The following CSMD1 variants were observed in gnomAD, a reference collection of about 807,000 sequenced individuals.
CSMD1 encodes the protein CUB and sushi domain-containing protein 1.
A neutral mutation model predicts 417.5 loss-of-function variants in CSMD1; 213 were observed. That is an observed-to-expected ratio of 0.51 (90% CI 0.46 to 0.57). The LOEUF (loss-of-function observed/expected upper bound fraction) is 0.57, where lower values mean the gene tolerates loss of function less well. Ranked by LOEUF, CSMD1 falls within the 20% of genes least tolerant of loss-of-function variation. The pLI is 0.00. For missense variants in CSMD1, 6,923 were observed against 4,529.7 expected, an observed-to-expected ratio of 1.53 and a Z score of -15.17; for synonymous variants, 2,862 against 1,736.8, an observed-to-expected ratio of 1.65 and a Z score of -16.11.
chr8:4,013,450 G>T lies in CSMD1; in HGVS notation c.611-15340C>A, dbSNP rs560001294. Among the ~76,000 whole-genome samples the T allele has an allele frequency of 4.6e-5, 7 of 152,180 alleles. No individual in the cohort carries two copies. In the South Asian group the frequency reaches 1.0e-3, roughly 23 times the overall value. On this transcript the variant is annotated intron_variant, in intron 4 of 69. Transcript: ENST00000635120. The stretch of plus-strand genomic sequence containing the variant: ...AATATTCCGGTTTTCTACTATCAGG[G>T]GGGTTTCCAGGACATGGGATCTTAG...
intron 18 of CSMD1, among the ~76,000 whole-genome samples, chr8:3,381,226 T>C (rs930052269): frequency 1.3e-5 from 2 of 151,914 alleles, no homozygotes; most frequent in South Asian, 4.2e-4. Context: ...TAAAACAACT[T>C]GACAAGCCCC....
chr8:4,004,506 T>C (rs1815953500), intron 4 of CSMD1, among the ~76,000 whole-genome samples: 1 of 152,080 alleles, frequency 6.6e-6, no homozygotes, highest in Non-Finnish European at 1.5e-5. Context: ...TTTTGTGTTA[T>C]ATTCAGCAAC....
chr8:3,583,606 A>C (rs1224200533), intron 9 of CSMD1, among the ~76,000 whole-genome samples: 1 of 151,988 alleles, frequency 6.6e-6, no homozygotes, highest in Non-Finnish European at 1.5e-5. Context: ...TGATACTAAA[A>C]CATGATAGGA....
intron 25 of CSMD1, among the ~76,000 whole-genome samples, chr8:3,306,530 T>TTCTGAAGCAGCTGGGCC (rs1563252094): frequency 1.4e-4 from 22 of 152,194 alleles, no homozygotes; most frequent in African/African-American, 5.1e-4. Flanking sequence ...GCAGCTGGGC[T>TTCTGAAGCAGCTGGGCC]GATTCATTTA....
chr8:4,461,743 T>TA (rs1456232073), intron 2 of CSMD1, among the ~76,000 whole-genome samples: 45 of 131,096 alleles, frequency 3.4e-4, no homozygotes, highest in Middle Eastern at 4.0e-3. Flanking sequence ...ATTTACTTAT[T>TA]TTTTTTTTTT....
chr8:3,092,402 C>G (rs531227608), intron 47 of CSMD1, among the ~76,000 whole-genome samples: 5 of 151,954 alleles, frequency 3.3e-5, no homozygotes, highest in African/African-American at 1.2e-4. Flanking sequence ...TATCTGTGGA[C>G]GATAGATACA....
intron 51 of CSMD1, among the ~76,000 whole-genome samples, chr8:3,027,079 G>C (rs1338148440): frequency 6.6e-6 from 1 of 152,078 alleles, no homozygotes; most frequent in Non-Finnish European, 1.5e-5. Flanking sequence ...GAGAAAAAAA[G>C]ATTGACAAGC....
At chr8:4,241,164 C>G (rs549379671) in intron 3 of CSMD1, among the ~76,000 whole-genome samples, 1 of 152,150 alleles carries the variant, frequency 6.6e-6, no homozygotes, top group Non-Finnish European at 1.5e-5. Context: ...TCTTCTTAAA[C>G]AAATGAAATC....
intron 3 of CSMD1, among the ~76,000 whole-genome samples, chr8:4,363,323 G>A (rs957647937): frequency 6.6e-6 from 1 of 152,028 alleles, no homozygotes; most frequent in African/African-American, 2.4e-5. Context: ...CTATACTACA[G>A]GTACCCTGCA....
intron 16 of CSMD1, among the ~76,000 whole-genome samples, chr8:3,397,265 C>G (rs911403009): frequency 6.6e-6 from 1 of 152,110 alleles, no homozygotes; most frequent in African/African-American, 2.4e-5. Context: ...AAGGATCCCA[C>G]GGAAGCCTGT....
At chr8:3,037,236 C>G (rs909891328) in intron 50 of CSMD1, among the ~76,000 whole-genome samples, 2 of 141,408 alleles carry the variant, frequency 1.4e-5, no homozygotes, top group South Asian at 2.1e-4. Context: ...GACGGAGTCT[C>G]GCTCTGTGGC....
chr8:3,479,447 A>C (rs1056411039), intron 11 of CSMD1, among the ~76,000 whole-genome samples: 15 of 151,988 alleles, frequency 9.9e-5, no homozygotes, highest in African/African-American at 3.6e-4. Flanking sequence ...TGCCCAGCTA[A>C]TTTTGTACTT....
At chr8:4,302,463 C>G (rs1247291912) in intron 3 of CSMD1, among the ~76,000 whole-genome samples, 1 of 152,130 alleles carries the variant, frequency 6.6e-6, no homozygotes, top group Non-Finnish European at 1.5e-5. Context: ...ATCGTGCAGA[C>G]AAAACAGCAG....
intron 25 of CSMD1, 99 bp from the exon 26 acceptor site, chr8:3,284,445 C>T (rs1475295891): frequency 1.2e-6 from 1 of 833,126 alleles, no homozygotes; most frequent in Non-Finnish European, 2.0e-6. Flanking sequence ...TCACACAACC[C>T]CCACCAACAT....
chr8:4,456,747 G>A (rs546791845), intron 2 of CSMD1, among the ~76,000 whole-genome samples: 5 of 152,210 alleles, frequency 3.3e-5, no homozygotes, highest in Admixed American at 6.5e-5. Context: ...CTGTCTAGTT[G>A]CTAGATCCTA....
At chr8:3,598,662 G>C (rs1411731086) in intron 8 of CSMD1, among the ~76,000 whole-genome samples, 1 of 152,174 alleles carries the variant, frequency 6.6e-6, no homozygotes, top group Non-Finnish European at 1.5e-5. Context: ...CTAAGGAAAT[G>C]AAAGAATGAA....
intron 23 of CSMD1, among the ~76,000 whole-genome samples, chr8:3,340,555 G>A (rs1451193156): frequency 6.6e-6 from 1 of 152,116 alleles, no homozygotes; most frequent in Non-Finnish European, 1.5e-5. Flanking sequence ...AGCTGAAAGT[G>A]TCTTTACACA....
At chr8:3,768,151 A>C (rs57235560) in intron 5 of CSMD1, among the ~76,000 whole-genome samples, 3,494 of 152,268 alleles carry the variant, frequency 0.023, 118 homozygotes, top group African/African-American at 0.08. Flanking sequence ...GGTGGACAGT[A>C]AGGTAGGAGA....
intron 1 of CSMD1, among the ~76,000 whole-genome samples, chr8:4,718,690 T>C (rs979879111): frequency 4.6e-5 from 7 of 152,054 alleles, no homozygotes; most frequent in African/African-American, 1.4e-4. Context: ...AAGAATTCAA[T>C]AGGTGACAGG....
Sources: gnomAD v4.1 joint callset for allele counts (sites outside exome capture counted in the v4.1 genomes callset) on GRCh38, gnomAD v4.1.1 for gene constraint, MANE v1.5 for transcripts, NCBI Gene and HGNC (gene_info 2026-07-23, HGNC 2026-07-21) for gene names.